Variants in GCN1 observed in about 807,000 individuals in gnomAD.
GCN1 encodes GCN1 activator of EIF2AK4.
A neutral mutation model predicts 288.4 loss-of-function variants in GCN1; 90 were observed. That is an observed-to-expected ratio of 0.31 (90% CI 0.26 to 0.37). GCN1 has a LOEUF of 0.37. GCN1 is among the 10% of genes least tolerant of loss of function. The pLI is 1.00. For missense variants in GCN1, 2,586 were observed against 3,419.9 expected (o/e 0.76, Z 6.08); for synonymous variants, 1,386 against 1,420.2 (o/e 0.98, Z 0.54).
At chr12:120,189,279 G>A (rs1012786408) in intron 2 of GCN1, among the ~76,000 whole-genome samples, 3 of 151,842 alleles carry the variant, frequency 2.0e-5, no homozygotes, top group Non-Finnish European at 4.4e-5. Flanking sequence ...CACCATGTTG[G>A]TCAGGCTGGT....
At chr12:120,128,837 C>CTTTTTTTTT (rs35329199) in intron 57 of GCN1, among the ~76,000 whole-genome samples, 3 of 98,412 alleles carry the variant, frequency 3.0e-5, no homozygotes, top group East Asian at 3.5e-4. Context: ...TCACCCAAAT[C>CTTTTTTTTT]TTTTTTTTTT....
intron 45 of GCN1, among the ~76,000 whole-genome samples, chr12:120,139,762 C>A (rs1460695918): frequency 6.6e-6 from 1 of 152,202 alleles, no homozygotes; most frequent in African/African-American, 2.4e-5. Flanking sequence ...CAAACTCCTT[C>A]CCATGGCATC....
rs1262475761 is a variant in GCN1, at chr12:120,163,142, GC to G, written c.1965del (p.Leu656SerfsTer16). On this transcript the variant is annotated frameshift_variant, in exon 19 of 58. Transcript: ENST00000300648. LOFTEE classifies it high-confidence loss of function. ...EALCVISGVP[G>X]LKGDVTDTEQ... ...TCAGTGTCGGTGACATCACCCTTGA[GC>G]CCTGGCACACCGGAGATGACACACA... The G allele has an allele frequency of 6.2e-7, 1 of 1,614,212 alleles. No homozygotes were observed. Among genetic ancestry groups the G allele is most frequent in the Non-Finnish European group, 8.5e-7 (1 of 1,180,032 alleles).
In GCN1 at chr12:120,165,002, T is replaced by TATAC. The variant is rs533586250; in HGVS notation, c.1613-282_1613-281insGTAT. Among the ~76,000 whole-genome samples, 28 of 136,896 alleles carry TATAC rather than the reference T, an allele frequency of 2.0e-4. No homozygotes were observed. The East Asian group carries it at 2.8e-3, about 14-fold the overall frequency. 89.8% of individuals were successfully genotyped at this position (136,896 alleles called of 152,430 possible). A position where few individuals can be genotyped will look rare whatever the true frequency, so the allele number is the denominator to read the frequency against. ...ATACATATACATATATACACATATA[T>TATAC]ACACACACACACACACACACACACA... On this transcript the variant is annotated intron_variant, in intron 16 of 57. Coordinates refer to ENST00000300648, the MANE Select transcript of GCN1 (RefSeq NM_006836.2).
chr12:120,180,215 G>A (rs1878607199), intron 5 of GCN1, among the ~76,000 whole-genome samples: 1 of 152,114 alleles, frequency 6.6e-6, no homozygotes, highest in Non-Finnish European at 1.5e-5. Context: ...TGAGGCAGGA[G>A]AATTGCTTGA....
At chr12:120,190,739 G>A (rs545883186) in intron 1 of GCN1, among the ~76,000 whole-genome samples, 1 of 152,206 alleles carries the variant, frequency 6.6e-6, no homozygotes, top group South Asian at 2.1e-4. Flanking sequence ...TTAAACTTTG[G>A]CAATAAGAGG....
At chr12:120,185,020 G>C (rs1025387853) in intron 2 of GCN1, 133 bp from the exon 3 acceptor site, 4 of 654,238 alleles carry the variant, frequency 6.1e-6, no homozygotes, top group African/African-American at 5.4e-5. Context: ...CTCCCCAAGA[G>C]GAAAAAGCAA....
At chr12:120,165,794 T>C (rs965040681) in intron 16 of GCN1, among the ~76,000 whole-genome samples, 2 of 151,696 alleles carry the variant, frequency 1.3e-5, no homozygotes, top group African/African-American at 4.8e-5. Context: ...GTTTTCGTTG[T>C]TGTTGTTGTT....
rs200085092 is a variant in GCN1 at position 120,148,273 on chromosome 12, C to T, written c.4620G>A (p.Val1540=). Residue 1540 remains valine (V), a synonymous_variant, in exon 37 of 58, where the codon GTG becomes GTA. Coordinates refer to ENST00000300648, the MANE Select transcript of GCN1 (RefSeq NM_006836.2). ...CGGTCAGCACCTCCGTAAGCTTGGGCACAATGTTGGGTAGACAGGATGACA... is the reference window on the plus strand; with the variant it reads ...CGGTCAGCACCTCCGTAAGCTTGGGTACAATGTTGGGTAGACAGGATGACA... The part of the protein sequence containing the change: ...KQLSSCLPNI[V]PKLTEVLTDS... 5.6e-6 allele frequency: 9 copies of T among 1,613,972 alleles called. No homozygotes were observed. The highest frequency in any genetic ancestry group is 6.8e-6 in the Non-Finnish European group (8 of 1,179,968).
At chr12:120,174,540 C>T (rs529542049) in intron 12 of GCN1, among the ~76,000 whole-genome samples, 264 of 152,288 alleles carry the variant, frequency 1.7e-3, no homozygotes, top group Non-Finnish European at 3.4e-3. Flanking sequence ...CGCCTGTAAT[C>T]CCAGCACTTT....
At position 120,149,888 on chromosome 12, in the gene GCN1, C is replaced by T. The variant is rs1331604586; in HGVS notation, c.4431+34G>A. On this transcript the variant is annotated intron_variant, in intron 35 of 57. Coordinates refer to ENST00000300648, the MANE Select transcript of GCN1 (RefSeq NM_006836.2). ...GCTGGGAACACATCTCATAAAGTTT[C>T]CATGCTGTTCTCCCGAGCAGTCCGG... 2.5e-6 allele frequency: 4 copies of T among 1,613,382 alleles called. No individual in the cohort carries two copies. In the Admixed American group the frequency reaches 5.0e-5, roughly 20 times the overall value.
Position 120,136,610 on chromosome 12 carries a change from C to A in GCN1, c.6900G>T (p.Arg2300Ser). The A allele has an allele frequency of 6.2e-7, 1 of 1,614,184 alleles. No homozygotes were observed. ...VIRLTSADAL[R>S]PSVVSITGPL... ...GGCCAGTGATGCTGACCACGGAGGGCCTCAGGGCGTCAGCCGAGGTCAGGC... is the reference window on the plus strand; with the variant it reads ...GGCCAGTGATGCTGACCACGGAGGGACTCAGGGCGTCAGCCGAGGTCAGGC... The change falls in exon 51 of 58, where the codon AGG (arginine) becomes AGT (serine). Residue 2300 changes from arginine (R) to serine (S), a missense_variant. Physicochemically the swap from Arg to Ser is moderately radical, Grantham distance 110 (BLOSUM62 -1). This residue lies in a region of GCN1 where 437 missense variants were observed against 570.5 expected (regional missense o/e 0.77). Coordinates refer to ENST00000300648, the MANE Select transcript of GCN1 (RefSeq NM_006836.2).
At chr12:120,164,306 GC>G in intron 18 of GCN1, 29 bp downstream of exon 18, 2 of 1,589,008 alleles carry the variant, frequency 1.3e-6, no homozygotes, top group Non-Finnish European at 1.7e-6. Context: ...GGATCCAAGA[GC>G]CCCAGTTCTA....
chr12:120,175,432 G>A (rs1878450337), intron 11 of GCN1, among the ~76,000 whole-genome samples: 1 of 152,128 alleles, frequency 6.6e-6, no homozygotes, highest in Non-Finnish European at 1.5e-5. Context: ...AAAATATAAA[G>A]AAAAACATTT....
chr12:120,135,185 C>T (rs747046302), intron 51 of GCN1, among the ~76,000 whole-genome samples: 10 of 152,330 alleles, frequency 6.6e-5, no homozygotes, highest in Non-Finnish European at 1.0e-4. Context: ...GCAGGATACG[C>T]ACTCCACATT....
chr12:120,139,720 C>G (rs953191782), intron 45 of GCN1, among the ~76,000 whole-genome samples: 32 of 152,136 alleles, frequency 2.1e-4, no homozygotes, highest in African/African-American at 7.7e-4. Flanking sequence ...TAGGTGAATT[C>G]TCAATATACC....
At chr12:120,132,816 C>G (rs1002091481) in intron 53 of GCN1, among the ~76,000 whole-genome samples, 2 of 152,184 alleles carry the variant, frequency 1.3e-5, no homozygotes, top group African/African-American at 4.8e-5. Flanking sequence ...GGCTGGCACC[C>G]TGAACTGCCA....
rs1221787940 is a variant in GCN1 at position 120,163,146 on chromosome 12, T to C, written c.1962A>G (p.Pro654=). The C allele has an allele frequency of 3.7e-6, 6 of 1,614,094 alleles. No homozygotes were observed. The highest frequency in any genetic ancestry group is 5.1e-6 in the Non-Finnish European group (6 of 1,180,048). ...QEALCVISGV[P]GLKGDVTDTE... ...TGTCGGTGACATCACCCTTGAGCCC[T>C]GGCACACCGGAGATGACACACAGAG... Residue 654 remains proline, a synonymous_variant, in exon 19 of 58, where the codon CCA becomes CCG. Coordinates refer to ENST00000300648, the MANE Select transcript of GCN1 (RefSeq NM_006836.2).
At chr12:120,193,951 T>C (rs1223468923) in intron 1 of GCN1, among the ~76,000 whole-genome samples, 1 of 152,200 alleles carries the variant, frequency 6.6e-6, no homozygotes, top group Non-Finnish European at 1.5e-5. Flanking sequence ...ACAATGTCTT[T>C]TCACCTTAAA....
Sources: allele counts gnomAD v4.1 joint callset (sites outside exome capture counted in the v4.1 genomes callset), GRCh38; gene constraint gnomAD v4.1.1; regional missense constraint gnomAD v4.1.1; transcripts MANE v1.5; gene names NCBI Gene and HGNC (gene_info 2026-07-23, HGNC 2026-07-21).